HS6ST3: variants seen among roughly 807,000 people sequenced by gnomAD.
HS6ST3 encodes heparan sulfate 6-O-sulfotransferase 3.
HS6ST3 carries 12 observed loss-of-function variants against 36.7 expected under a neutral mutation model. The ratio of observed to expected loss-of-function variants is 0.33; its 90% CI spans 0.21 to 0.53. The LOEUF is 0.53. Ranked by LOEUF, HS6ST3 falls within the 20% of genes least tolerant of loss-of-function variation. The probability of loss-of-function intolerance (pLI) is 0.95; values close to 1 mark genes in which losing one functional copy is unlikely to be tolerated. For synonymous variants in HS6ST3, 240 were observed against 257.5 expected (o/e 0.93, Z 0.65); for missense variants, 584 against 640.9 (o/e 0.91, Z 0.96).
chr13:96,750,112 A>T (rs946850611), intron 1 of HS6ST3, among the ~76,000 whole-genome samples: 3 of 152,204 alleles, frequency 2.0e-5, no homozygotes, highest in Admixed American at 6.5e-5. Flanking sequence ...TGAAATAATC[A>T]AAAGTTCCAA....
At chr13:96,552,314 T>C (rs2056222403) in intron 1 of HS6ST3, among the ~76,000 whole-genome samples, 1 of 152,192 alleles carries the variant, frequency 6.6e-6, no homozygotes, top group Non-Finnish European at 1.5e-5. Flanking sequence ...CAGGCCTCAT[T>C]GTCTTGCATC....
chr13:96,462,810 A>G (rs1035858290), intron 1 of HS6ST3, among the ~76,000 whole-genome samples: 8 of 152,228 alleles, frequency 5.3e-5, no homozygotes, highest in Non-Finnish European at 1.2e-4. Flanking sequence ...GTTTGTATCT[A>G]TCTATCTAAA....
intron 1 of HS6ST3, among the ~76,000 whole-genome samples, chr13:96,133,487 A>G (rs1047302226): frequency 3.3e-5 from 5 of 151,704 alleles, no homozygotes; most frequent in African/African-American, 1.2e-4. Context: ...CAGTGGTGCA[A>G]TCTTGGCTCA....
chr13:96,441,556 A>G (rs1320496140), intron 1 of HS6ST3, among the ~76,000 whole-genome samples: 2 of 152,200 alleles, frequency 1.3e-5, no homozygotes, highest in Non-Finnish European at 2.9e-5. Context: ...AAGAGCTACA[A>G]AAACATGGAA....
chr13:96,726,454 A>G (rs998597542), intron 1 of HS6ST3, among the ~76,000 whole-genome samples: 3 of 152,086 alleles, frequency 2.0e-5, no homozygotes, highest in Non-Finnish European at 4.4e-5. Context: ...ATGCCCAAGT[A>G]TTTCATATTT....
chr13:96,723,433 C>T (rs537745075), intron 1 of HS6ST3, among the ~76,000 whole-genome samples: 1 of 152,228 alleles, frequency 6.6e-6, no homozygotes, highest in South Asian at 2.1e-4. Context: ...ACCTCCCAGC[C>T]CTGCACTGCC....
intron 1 of HS6ST3, among the ~76,000 whole-genome samples, chr13:96,514,232 T>C (rs1415142632): frequency 2.0e-5 from 3 of 152,110 alleles, no homozygotes; most frequent in East Asian, 1.9e-4. Flanking sequence ...GTGCAGTAGG[T>C]TGATGGAAGT....
intron 1 of HS6ST3, among the ~76,000 whole-genome samples, chr13:96,120,424 A>T (rs2053919691): frequency 6.6e-6 from 1 of 152,232 alleles, no homozygotes; most frequent in South Asian, 2.1e-4. Flanking sequence ...ACTGCTTACA[A>T]TATATTAATA....
chr13:96,453,498 A>G (rs1017254514), intron 1 of HS6ST3, among the ~76,000 whole-genome samples: 3 of 152,218 alleles, frequency 2.0e-5, no homozygotes, highest in African/African-American at 7.2e-5. Flanking sequence ...AAAAGCTGCT[A>G]TAAGATGTGC....
At chr13:96,300,736 A>G (rs535162635) in intron 1 of HS6ST3, among the ~76,000 whole-genome samples, 13 of 152,312 alleles carry the variant, frequency 8.5e-5, no homozygotes, top group Admixed American at 4.6e-4. Flanking sequence ...TATATAGCTT[A>G]ATATGTTCAT....
At chr13:96,732,040 T>C (rs2138477624) in intron 1 of HS6ST3, among the ~76,000 whole-genome samples, 1 of 152,322 alleles carries the variant, frequency 6.6e-6, no homozygotes, top group Middle Eastern at 3.4e-3. Context: ...GTGCAAGGCC[T>C]CTCTTTACGC....
Position 96,186,029 on chromosome 13 carries a change from A to G in HS6ST3, c.707+94460A>G, listed in dbSNP as rs899717956. 1.1e-4 allele frequency among the ~76,000 whole-genome samples: 17 copies of G among 152,236 alleles called. No individual in the cohort carries two copies. In the East Asian group the frequency reaches 1.3e-3, roughly 12 times the overall value. On this transcript the variant is annotated intron_variant, in intron 1 of 1. Transcript: ENST00000376705. ...TGAGTGTATGTATGTATGTGTGGAT[A>G]TAAACTATATATATGCATGCATATG...
chr13:96,147,018 A>T (rs763070120), intron 1 of HS6ST3, among the ~76,000 whole-genome samples: 3 of 152,242 alleles, frequency 2.0e-5, no homozygotes, highest in African/African-American at 7.2e-5. Flanking sequence ...ATGCAGAAAG[A>T]TGAAGAAAAG....
intron 1 of HS6ST3, among the ~76,000 whole-genome samples, chr13:96,581,994 A>G (rs1377637588): frequency 6.6e-6 from 1 of 152,184 alleles, no homozygotes; most frequent in Non-Finnish European, 1.5e-5. Flanking sequence ...GGACTTGTAC[A>G]ATCTGTCTAA....
intron 1 of HS6ST3, among the ~76,000 whole-genome samples, chr13:96,398,186 T>C (rs139390508): frequency 1.1e-4 from 17 of 152,340 alleles, no homozygotes; most frequent in Non-Finnish European, 2.4e-4. Flanking sequence ...CACATGCTGC[T>C]TTCTACTATG....
chr13:96,210,114 CTA>C (rs1183394918), intron 1 of HS6ST3, among the ~76,000 whole-genome samples: 1 of 152,104 alleles, frequency 6.6e-6, no homozygotes, highest in Non-Finnish European at 1.5e-5. Flanking sequence ...TTTTTTCCCC[CTA>C]TGTGTACTTT....
intron 1 of HS6ST3, among the ~76,000 whole-genome samples, chr13:96,266,605 C>T (rs1012852632): frequency 3.3e-5 from 5 of 151,928 alleles, no homozygotes; most frequent in African/African-American, 1.2e-4. Flanking sequence ...GCTGGGAGAC[C>T]CAATTTTAGA....
chr13:96,221,795 A>G (rs1267871617), intron 1 of HS6ST3, among the ~76,000 whole-genome samples: 2 of 152,234 alleles, frequency 1.3e-5, no homozygotes, highest in Non-Finnish European at 2.9e-5. Flanking sequence ...GATGTAAGCA[A>G]CATAGAAGAT....
chr13:96,405,082 T>C (rs1566351372), intron 1 of HS6ST3, among the ~76,000 whole-genome samples: 1 of 152,204 alleles, frequency 6.6e-6, no homozygotes, highest in East Asian at 1.9e-4. Flanking sequence ...CAAGTGGAGC[T>C]GTGAGTCCAA....
Sources: gnomAD v4.1 joint callset for allele counts (sites outside exome capture counted in the v4.1 genomes callset) on GRCh38, gnomAD v4.1.1 for gene constraint, MANE v1.5 for transcripts, NCBI Gene and HGNC (gene_info 2026-07-23, HGNC 2026-07-21) for gene names.